PABIR2: variants seen among roughly 807,000 people sequenced by gnomAD.
PABIR2 encodes family with sequence similarity 122B.
PABIR2 carries 7 observed loss-of-function variants against 22.8 expected under a neutral mutation model. That is an observed-to-expected ratio of 0.31 (90% confidence interval 0.17 to 0.58). The LOEUF (loss-of-function observed/expected upper bound fraction) is 0.58. Among genes scored for constraint, PABIR2 ranks in the 20% least tolerant of loss-of-function variants. The pLI, the probability that PABIR2 is intolerant of heterozygous loss-of-function variation, is 0.89. For synonymous variants in PABIR2, 67 were observed against 73.8 expected (o/e 0.91, Z 0.47); for missense variants, 155 against 205.1 (o/e 0.76, Z 1.49).
At chrX:134,789,321 T>G in intron 3 of PABIR2, 55 bp from the exon 4 acceptor site, 1 of 1,173,733 alleles carries the variant, frequency 8.5e-7, no homozygotes, top group Non-Finnish European at 1.2e-6. Flanking sequence ...AAATATTAAC[T>G]CTTCCACACA....
intron 8 of PABIR2, among the ~76,000 whole-genome samples, chrX:134,782,949 G>A (rs376878732): frequency 1.8e-5 from 2 of 111,700 alleles, no homozygotes; most frequent in East Asian, 2.8e-4. Context: ...TTTTGAGTTC[G>A]CCTCACTAGC....
intron 3 of PABIR2, 141 bp from the exon 4 acceptor site, chrX:134,789,407 A>G (rs2079479920): frequency 1.2e-6 from 1 of 864,903 alleles, no homozygotes; most frequent in East Asian, 3.3e-5. Context: ...ACATAATCAC[A>G]GTAGAGTGGA....
chrX:134,787,601 G>C, intron 6 of PABIR2, 68 bp from the exon 7 acceptor site: 16 of 378,466 alleles, frequency 4.2e-5, no homozygotes, highest in Middle Eastern at 6.5e-4. Flanking sequence ...TAGCACTCCA[G>C]TTTTCTTTCT....
intron 7 of PABIR2, among the ~76,000 whole-genome samples, chrX:134,786,495 G>A (rs776109192): frequency 7.3e-5 from 8 of 109,851 alleles, no homozygotes; most frequent in Non-Finnish European, 1.5e-4. Flanking sequence ...TCCAGCCTGG[G>A]CAACAGGAGC....
Position 134,771,534 on chromosome X carries a change from C to A in PABIR2, c.*605G>T. The A allele has an allele frequency of 1.0e-6, 1 of 976,312 alleles. No individual in the cohort carries two copies. 80.5% of individuals were successfully genotyped at this position (976,312 alleles called of 1,213,427 possible). A position where few individuals can be genotyped will look rare whatever the true frequency, so the allele number is the denominator to read the frequency against. ...TTCACACACCCCAACAGCAAAGAAGCAATAAGAGTAATGAAAGCAACTACG... is the reference window on the plus strand; with the variant it reads ...TTCACACACCCCAACAGCAAAGAAGAAATAAGAGTAATGAAAGCAACTACG... On this transcript the variant is annotated 3_prime_UTR_variant, in exon 10 of 10. Coordinates refer to ENST00000343004, the MANE Select transcript of PABIR2 (RefSeq NM_001387468.1).
intron 7 of PABIR2, 130 bp downstream of exon 7, chrX:134,787,342 C>T: frequency 1.8e-6 from 1 of 556,175 alleles, no homozygotes; most frequent in Non-Finnish European, 2.9e-6. Flanking sequence ...TCAGGTAATC[C>T]ACCAGCCTCG....
chrX:134,787,849 C>T (rs1328379085), intron 6 of PABIR2, among the ~76,000 whole-genome samples: 8 of 104,247 alleles, frequency 7.7e-5, no homozygotes, highest in African/African-American at 2.8e-4. Context: ...CCAGGCTGCT[C>T]TCGACCTCCT....
chrX:134,777,450 C>T (rs1022764986), intron 9 of PABIR2, among the ~76,000 whole-genome samples: 6 of 104,311 alleles, frequency 5.8e-5, no homozygotes, highest in East Asian at 3.1e-4. Context: ...GGCTTGAGCC[C>T]GGGAAGCAGA....
chrX:134,783,871 G>A (rs774405889), intron 8 of PABIR2, among the ~76,000 whole-genome samples: 1 of 110,040 alleles, frequency 9.1e-6, no homozygotes, highest in Admixed American at 9.6e-5. Context: ...CCAGGAGTTT[G>A]AGGACAGTGT....
chrX:134,791,662 T>C (rs1411227830), intron 2 of PABIR2: 1 of 328,784 alleles, frequency 3.0e-6, no homozygotes, highest in East Asian at 9.8e-5. Context: ...TATGTGAAGC[T>C]AAAGGCATTT....
intron 2 of PABIR2, chrX:134,791,521 T>A: frequency 3.9e-6 from 1 of 259,467 alleles, no homozygotes; most frequent in Non-Finnish European, 7.3e-6. Context: ...ATCAGATGAG[T>A]GAGTCTGGAG....
rs746268262 is a variant in PABIR2, at chrX:134,772,162, T to C, written c.781A>G (p.Met261Val). 18 of 1,201,430 alleles carry C rather than the reference T, an allele frequency of 1.5e-5. No homozygotes were observed. The highest frequency in any genetic ancestry group is 2.0e-5 in the Non-Finnish European group (18 of 889,906). ...AGTCACTTGGGTGAGAGATCATCCA[T>C]CAAGATGAACGAAGAGCATGAATTG... ...CSNSCSSFIL[M>V]DDLSPK The change falls in exon 10 of 10, where the codon ATG becomes GTG. Residue 261 changes from methionine (M) to valine (V), a missense_variant. Physicochemically the swap from Met to Val is conservative, Grantham distance 21. Coordinates refer to ENST00000343004, the MANE Select transcript of PABIR2 (RefSeq NM_001387468.1).
At chrX:134,775,472 T>C (rs1284202513) in intron 9 of PABIR2, among the ~76,000 whole-genome samples, 1 of 99,913 alleles carries the variant, frequency 1.0e-5, no homozygotes, top group African/African-American at 3.8e-5. Context: ...TGAGCTGAGA[T>C]TGCACCACTG....
At chrX:134,788,919 G>A in intron 5 of PABIR2, 88 bp from the exon 6 acceptor site, 1 of 1,021,356 alleles carries the variant, frequency 9.8e-7, no homozygotes, top group Non-Finnish European at 1.3e-6. Flanking sequence ...ATTTTCCAAG[G>A]AGAAAGGTAT....
intron 9 of PABIR2, among the ~76,000 whole-genome samples, chrX:134,778,391 C>T (rs914595382): frequency 6.4e-4 from 66 of 103,791 alleles, no homozygotes; most frequent in Non-Finnish European, 1.1e-3. Context: ...GTAATCCCAG[C>T]TACTCGAGAG....
At position 134,771,840 on chromosome X, in the gene PABIR2, T is replaced by C. The variant is rs189173808; in HGVS notation, c.*299A>G. 3.5e-6 allele frequency: 3 copies of C among 866,663 alleles called. No individual in the cohort carries two copies. Among genetic ancestry groups the C allele is most frequent in the Middle Eastern group, 5.4e-4 (1 of 1,856 alleles). The allele number at this position is 866,663 out of a possible 1,213,427, so 71.4% of individuals were successfully genotyped here. Reference sequence around the variant, plus strand: ...CAGTGCCTTTCTTAAATGTATAGACTCAAAATAGGTGTTTTTTGAGGCACT... The same window carrying C: ...CAGTGCCTTTCTTAAATGTATAGACCCAAAATAGGTGTTTTTTGAGGCACT... On this transcript the variant is annotated 3_prime_UTR_variant, in exon 10 of 10. Coordinates refer to ENST00000343004, the MANE Select transcript of PABIR2 (RefSeq NM_001387468.1).
Position 134,771,694 on chromosome X carries a change from AAG to A in PABIR2, c.*443_*444del. On this transcript the variant is annotated 3_prime_UTR_variant, in exon 10 of 10. Coordinates refer to ENST00000343004, the MANE Select transcript of PABIR2 (RefSeq NM_001387468.1). ...GCAATTTATATATCATCATGAAATA[AAG>A]AGAGATTTGAAACTATGTAGTCAAC... 1 of 789,946 alleles carries A rather than the reference AAG, an allele frequency of 1.3e-6. No homozygotes were observed. Among genetic ancestry groups the A allele is most frequent in the Non-Finnish European group, 1.5e-6 (1 of 661,004 alleles). 65.1% of individuals were successfully genotyped at this position (789,946 alleles called of 1,213,427 possible).
chrX:134,790,547 A>AT (rs759555657), intron 2 of PABIR2, among the ~76,000 whole-genome samples: 17 of 110,476 alleles, frequency 1.5e-4, no homozygotes, highest in African/African-American at 3.6e-4. Flanking sequence ...GTTTCTTTTT[A>AT]TTTTTTTTTG....
At chrX:134,787,676 T>C (rs1183153497) in intron 6 of PABIR2, 143 bp from the exon 7 acceptor site, 5 of 532,560 alleles carry the variant, frequency 9.4e-6, no homozygotes, top group Non-Finnish European at 8.6e-6. Flanking sequence ...AGTGCAGTGA[T>C]GCGATCATAG....
Sources: allele counts gnomAD v4.1 joint callset (sites outside exome capture counted in the v4.1 genomes callset), GRCh38; gene constraint gnomAD v4.1.1; transcripts MANE v1.5; gene names NCBI Gene and HGNC (gene_info 2026-07-23, HGNC 2026-07-21).